IKZF1: variants seen among roughly 807,000 people sequenced by gnomAD.
IKZF1 encodes DNA-binding protein Ikaros.
Under a neutral mutation model 51.7 loss-of-function variants are expected in IKZF1, and 10 were observed. The observed-to-expected ratio is 0.19, with a 90% CI of 0.12 to 0.33. The LOEUF is 0.33. IKZF1 is among the 10% of genes least tolerant of loss of function. The probability of loss-of-function intolerance (pLI) is 1.00; values close to 1 mark genes in which losing one functional copy is unlikely to be tolerated. For synonymous variants in IKZF1, 280 were observed against 282.3 expected, an observed-to-expected ratio of 0.99 and a Z score of 0.08; for missense variants, 484 against 707.5, an observed-to-expected ratio of 0.68 and a Z score of 3.58.
chr7:50,355,453 G>T (rs1483652925), intron 3 of IKZF1, among the ~76,000 whole-genome samples: 1 of 152,168 alleles, frequency 6.6e-6, no homozygotes, highest in Non-Finnish European at 1.5e-5. Flanking sequence ...GAGAGCACAA[G>T]AGAGTCCTGG....
chr7:50,396,137 A>G (rs982322867), intron 7 of IKZF1, among the ~76,000 whole-genome samples: 2 of 152,018 alleles, frequency 1.3e-5, no homozygotes, highest in Non-Finnish European at 2.9e-5. Context: ...TCTCTTTTAT[A>G]TAAATATGTT....
At chr7:50,316,283 T>A (rs550942155) in intron 1 of IKZF1, among the ~76,000 whole-genome samples, 3 of 151,986 alleles carry the variant, frequency 2.0e-5, no homozygotes, top group Non-Finnish European at 4.4e-5. Flanking sequence ...AGCAAAGAGA[T>A]CCCCTAAGCA....
intron 1 of IKZF1, among the ~76,000 whole-genome samples, chr7:50,309,788 A>G (rs965613830): frequency 5.3e-5 from 8 of 152,242 alleles, no homozygotes; most frequent in East Asian, 3.8e-4. Context: ...AAAATTCCAC[A>G]TAAGATACTT....
intron 1 of IKZF1, among the ~76,000 whole-genome samples, 179 bp downstream of exon 1, chr7:50,305,101 A>T (rs939661378): frequency 1.3e-5 from 2 of 152,170 alleles, no homozygotes; most frequent in East Asian, 3.8e-4. Flanking sequence ...GTTGCTCTGC[A>T]CTGTGCCAGC....
At chr7:50,362,756 G>A (rs1311097923) in intron 3 of IKZF1, among the ~76,000 whole-genome samples, 2 of 152,146 alleles carry the variant, frequency 1.3e-5, no homozygotes, top group Non-Finnish European at 2.9e-5. Flanking sequence ...GCAGACCCAT[G>A]GAAAGCTTGG....
Position 50,372,159 on chromosome 7 carries a change from A to G in IKZF1, c.161-4374A>G, listed in dbSNP as rs570429790. Among the ~76,000 whole-genome samples, 8 of 152,304 alleles carry G rather than the reference A, an allele frequency of 5.3e-5. No individual in the cohort carries two copies. In the South Asian group the frequency reaches 1.7e-3, roughly 32 times the overall value. ...TTGCTTGTATTCTCCTCCTAGCTGG[A>G]TAAGAGACCCCCGTTTTCATGGACA... On this transcript the variant is annotated intron_variant, in intron 3 of 7. Transcript: ENST00000331340.
intron 2 of IKZF1, among the ~76,000 whole-genome samples, 155 bp downstream of exon 2, chr7:50,319,256 T>A (rs1792457766): frequency 6.6e-6 from 1 of 152,182 alleles, no homozygotes; most frequent in Non-Finnish European, 1.5e-5. Context: ...TTCCTTCACC[T>A]GTTACAAATT....
chr7:50,306,693 A>G (rs919514874), intron 1 of IKZF1, among the ~76,000 whole-genome samples: 1 of 152,228 alleles, frequency 6.6e-6, no homozygotes, highest in African/African-American at 2.4e-5. Context: ...ATCGCAGTGA[A>G]TGTATTAGCC....
In IKZF1 at chr7:50,329,267, A is replaced by C. The variant is rs147281737; in HGVS notation, c.160+1510A>C. Among the ~76,000 whole-genome samples, 75 of 152,192 alleles carry C rather than the reference A, an allele frequency of 4.9e-4. 1 individual carries two copies. The East Asian group carries it at 0.011, about 22-fold the overall frequency. ...AATCCAGAAAACAAGTACATTTATG[A>C]ATTATTTTACCCTATTGGAAAATGG... On this transcript the variant is annotated intron_variant, in intron 3 of 7. Coordinates refer to ENST00000331340, the MANE Select transcript of IKZF1 (RefSeq NM_006060.6).
intron 1 of IKZF1, among the ~76,000 whole-genome samples, chr7:50,317,838 G>T (rs1458619396): frequency 6.6e-6 from 1 of 152,152 alleles, no homozygotes; most frequent in East Asian, 1.9e-4. Flanking sequence ...AATTGAGAGG[G>T]TAAGATCCCT....
chr7:50,388,985 C>T (rs1814217108), intron 6 of IKZF1, among the ~76,000 whole-genome samples: 1 of 152,132 alleles, frequency 6.6e-6, no homozygotes, highest in East Asian at 1.9e-4. Flanking sequence ...ATTGAAAAGA[C>T]AAAATGAACA....
chr7:50,355,881 C>T (rs1191029406), intron 3 of IKZF1, among the ~76,000 whole-genome samples: 1 of 152,246 alleles, frequency 6.6e-6, no homozygotes, highest in Non-Finnish European at 1.5e-5. Context: ...TCCCGGCTGT[C>T]CTGCCCCTCC....
At chr7:50,349,017 A>C (rs1801131563) in intron 3 of IKZF1, among the ~76,000 whole-genome samples, 1 of 152,134 alleles carries the variant, frequency 6.6e-6, no homozygotes, top group Non-Finnish European at 1.5e-5. Context: ...CTGCTTGGTC[A>C]TGGGGTCAGC....
intron 6 of IKZF1, among the ~76,000 whole-genome samples, chr7:50,389,661 C>G (rs1241778327): frequency 6.6e-6 from 1 of 152,154 alleles, no homozygotes; most frequent in African/African-American, 2.4e-5. Context: ...TGGTTTTTGC[C>G]CTTGCCAGCA....
In IKZF1 at chr7:50,384,636, G is replaced by T. The variant is rs969219913; in HGVS notation, c.589+1929G>T. On this transcript the variant is annotated intron_variant, in intron 5 of 7. Coordinates refer to ENST00000331340, the MANE Select transcript of IKZF1 (RefSeq NM_006060.6). The stretch of plus-strand genomic sequence containing the variant: ...TGAGCATGTATGGTGGTCCCACCTG[G>T]AGACAAAGGTGGTACCTGGGCCTGA... Among the ~76,000 whole-genome samples, 4 of 152,212 alleles carry T rather than the reference G, an allele frequency of 2.6e-5. No homozygotes were observed. In the East Asian group the frequency reaches 7.7e-4, roughly 29 times the overall value.
intron 3 of IKZF1, among the ~76,000 whole-genome samples, chr7:50,352,150 T>C (rs1802020497): frequency 6.6e-6 from 1 of 152,254 alleles, no homozygotes; most frequent in African/African-American, 2.4e-5. Flanking sequence ...TAGTGCTCTT[T>C]CAGCCAGAAA....
At chr7:50,399,795 C>T (rs1258676621) in intron 7 of IKZF1, 123 bp from the exon 8 acceptor site, 34 of 1,423,172 alleles carry the variant, frequency 2.4e-5, no homozygotes, top group Middle Eastern at 2.3e-4. Flanking sequence ...GGTCCGCAGG[C>T]GTGCTGGGCC....
At chr7:50,396,526 T>C (rs1373822782) in intron 7 of IKZF1, among the ~76,000 whole-genome samples, 1 of 152,234 alleles carries the variant, frequency 6.6e-6, no homozygotes, top group East Asian at 1.9e-4. Flanking sequence ...GAATTAACGA[T>C]TTTTTCCCCT....
intron 3 of IKZF1, chr7:50,368,601 T>TCAA (rs1807712155): frequency 2.1e-6 from 1 of 467,306 alleles, no homozygotes; most frequent in African/African-American, 2.0e-5. Flanking sequence ...TCCTGCTTGG[T>TCAA]GCCCGCAGGA....
Sources: gnomAD v4.1 joint callset for allele counts (sites outside exome capture counted in the v4.1 genomes callset) on GRCh38, gnomAD v4.1.1 for gene constraint, MANE v1.5 for transcripts, NCBI Gene and HGNC (gene_info 2026-07-23, HGNC 2026-07-21) for gene names.